The following CDA variants were observed in gnomAD, a reference collection of about 807,000 sequenced individuals.
CDA encodes cytidine aminohydrolase.
A neutral mutation model predicts 15.0 loss-of-function variants in CDA; 7 were observed. That is an observed-to-expected ratio of 0.47 (90% CI 0.26 to 0.87). CDA has a LOEUF of 0.87. Among genes scored for constraint, CDA ranks in the 40% least tolerant of loss-of-function variants. CDA has a pLI of 0.15. For missense variants in CDA, 159 were observed against 182.7 expected (o/e 0.87, Z 0.75); for synonymous variants, 58 against 73.0 (o/e 0.79, Z 1.05).
chr1:20,614,705 G>T (rs1416817098), intron 3 of CDA, among the ~76,000 whole-genome samples: 1 of 152,230 alleles, frequency 6.6e-6, no homozygotes, highest in African/African-American at 2.4e-5. Flanking sequence ...AATTTGAGAA[G>T]AGGCAAGAAG....
In CDA at chr1:20,589,194, C is replaced by T. The variant is rs1163775488; in HGVS notation, c.65C>T (p.Ser22Phe). The change falls in exon 1 of 4, where the codon TCC (serine) becomes TTC (phenylalanine). Residue 22 changes from serine (S) to phenylalanine (F), a missense_variant. Coordinates refer to ENST00000375071, the MANE Select transcript of CDA (RefSeq NM_001785.3). ...PECVQQLLVCSQEAKKSAYCP... is the reference protein window; with the variant it reads ...PECVQQLLVCFQEAKKSAYCP... ...TGTGTCCAGCAGCTGCTGGTTTGCTCCCAGGAGGCCAAGAAGTCAGCCTAC... is the reference window on the plus strand; with the variant it reads ...TGTGTCCAGCAGCTGCTGGTTTGCTTCCAGGAGGCCAAGAAGTCAGCCTAC... 2.5e-6 allele frequency: 4 copies of T among 1,613,742 alleles called. No individual in the cohort carries two copies. In the East Asian group the frequency reaches 6.7e-5, roughly 27 times the overall value.
chr1:20,593,220 G>T (rs939422593), intron 1 of CDA, among the ~76,000 whole-genome samples: 1 of 152,240 alleles, frequency 6.6e-6, no homozygotes, highest in South Asian at 2.1e-4. Flanking sequence ...GCTGGACTGT[G>T]TGCTGGGGAC....
At chr1:20,614,884 C>T (rs1314388192) in intron 3 of CDA, among the ~76,000 whole-genome samples, 1 of 151,096 alleles carries the variant, frequency 6.6e-6, no homozygotes, top group East Asian at 1.9e-4. Flanking sequence ...TTTTTTGAGA[C>T]GGAGTCTCAC....
At chr1:20,607,479 G>T (rs2154532536) in intron 2 of CDA, among the ~76,000 whole-genome samples, 1 of 152,216 alleles carries the variant, frequency 6.6e-6, no homozygotes, top group East Asian at 1.9e-4. Context: ...AAAGAGAAAA[G>T]GAGGGAAATA....
At chr1:20,598,783 G>A (rs188321816) in intron 1 of CDA, among the ~76,000 whole-genome samples, 73 of 152,286 alleles carry the variant, frequency 4.8e-4, no homozygotes, top group Non-Finnish European at 2.4e-4. Flanking sequence ...ATAGTATAGC[G>A]TTGAGGGTTA....
At chr1:20,604,789 T>C (rs1474557027) in intron 1 of CDA, 139 bp from the exon 2 acceptor site, 2 of 699,132 alleles carry the variant, frequency 2.9e-6, no homozygotes, top group African/African-American at 3.5e-5. Flanking sequence ...CGAATTGCCC[T>C]AATTGCCCTG....
chr1:20,618,496 G>A lies in CDA; in HGVS notation c.369G>A (p.Thr123=), dbSNP rs139735135. The A allele has an allele frequency of 1.2e-4, 198 of 1,613,622 alleles. No homozygotes were observed. The highest frequency in any genetic ancestry group is 5.0e-4 in the Middle Eastern group (3 of 6,060). The change falls in exon 4 of 4, where the codon ACG becomes ACA. Residue 123 remains threonine, a synonymous_variant. Transcript: ENST00000375071. ...TGTACATGACCAAGCCGGATGGTAC[G>A]TATATTGTCATGACGGTCCAGGAGC... ...WPVYMTKPDG[T]YIVMTVQELL...
Position 20,618,584 on chromosome 1 carries a change from C to T in CDA, c.*16C>T. The T allele has an allele frequency of 1.4e-6, 2 of 1,462,582 alleles. No individual in the cohort carries two copies. The highest frequency in any genetic ancestry group is 1.9e-6 in the Non-Finnish European group (2 of 1,041,606). The allele number at this position is 1,462,582 out of a possible 1,614,324, so 90.6% of individuals were successfully genotyped here. A position where few individuals can be genotyped will look rare whatever the true frequency, so the allele number is the denominator to read the frequency against. ...GACCCAGTGACAGCCAGAGAATGCC[C>T]ACTGCCTGTAACAGCCACCTGGAGA... On this transcript the variant is annotated 3_prime_UTR_variant, in exon 4 of 4. Coordinates refer to ENST00000375071, the MANE Select transcript of CDA (RefSeq NM_001785.3).
intron 3 of CDA, among the ~76,000 whole-genome samples, chr1:20,618,123 TA>T (rs2052834290): frequency 6.6e-6 from 1 of 151,608 alleles, no homozygotes; most frequent in Non-Finnish European, 1.5e-5. Context: ...GTAAAGGGGA[TA>T]CTGAAGGGAA....
At chr1:20,599,064 T>C (rs2052615836) in intron 1 of CDA, among the ~76,000 whole-genome samples, 1 of 152,126 alleles carries the variant, frequency 6.6e-6, no homozygotes, top group Non-Finnish European at 1.5e-5. Flanking sequence ...CCATTTTAGA[T>C]AGGTGATCGG....
chr1:20,599,179 G>C (rs1332032889), intron 1 of CDA, among the ~76,000 whole-genome samples: 2 of 152,174 alleles, frequency 1.3e-5, no homozygotes, highest in Non-Finnish European at 2.9e-5. Flanking sequence ...CTTGTGCAAA[G>C]GCCCTGTGGC....
intron 1 of CDA, among the ~76,000 whole-genome samples, chr1:20,601,728 A>C (rs111424365): frequency 4.7e-4 from 71 of 152,372 alleles, no homozygotes; most frequent in Admixed American, 2.2e-3. Flanking sequence ...AAGGGACCAG[A>C]AAATATGTGA....
At chr1:20,602,705 C>T (rs2052657082) in intron 1 of CDA, among the ~76,000 whole-genome samples, 1 of 152,222 alleles carries the variant, frequency 6.6e-6, no homozygotes, top group African/African-American at 2.4e-5. Context: ...TAGGCTTGAG[C>T]CACCATGCCC....
intron 1 of CDA, among the ~76,000 whole-genome samples, chr1:20,592,414 A>G (rs1443434030): frequency 6.6e-6 from 1 of 152,196 alleles, no homozygotes; most frequent in African/African-American, 2.4e-5. Flanking sequence ...TAATGCTATC[A>G]TTATTCTTAT....
intron 1 of CDA, among the ~76,000 whole-genome samples, chr1:20,593,750 AT>A (rs2052568495): frequency 6.6e-6 from 1 of 151,978 alleles, no homozygotes; most frequent in African/African-American, 2.4e-5. Flanking sequence ...AATCTTTTTT[AT>A]TTTTATAGCG....
rs544942119 is a variant in CDA, at chr1:20,594,076, C to A, written c.154+4793C>A. On this transcript the variant is annotated intron_variant, in intron 1 of 3. Transcript: ENST00000375071. The stretch of plus-strand genomic sequence containing the variant: ...GACACTGTGAGTTTACAGCTTATGG[C>A]AGAACAGGTCTGCCCAGGTCTGTGA... Among the ~76,000 whole-genome samples the A allele has an allele frequency of 3.3e-5, 5 of 152,306 alleles. No individual in the cohort carries two copies. The South Asian group carries it at 1.0e-3, about 32-fold the overall frequency.
chr1:20,612,760 T>G (rs557768512), intron 2 of CDA, among the ~76,000 whole-genome samples: 13 of 151,828 alleles, frequency 8.6e-5, no homozygotes, highest in South Asian at 8.4e-4. Context: ...CTGGCTAACA[T>G]AGTGAAACCC....
intron 3 of CDA, among the ~76,000 whole-genome samples, chr1:20,617,100 G>A (rs568766373): frequency 3.3e-5 from 5 of 152,230 alleles, no homozygotes; most frequent in East Asian, 1.9e-4. Context: ...TCATGACACC[G>A]CTGCTGATTA....
intron 2 of CDA, among the ~76,000 whole-genome samples, chr1:20,612,690 G>C (rs2052763432): frequency 6.6e-6 from 1 of 151,934 alleles, no homozygotes; most frequent in African/African-American, 2.4e-5. Flanking sequence ...GGCGGGGCGG[G>C]GTGGCTCATG....
Sources: gnomAD v4.1 joint callset for allele counts (sites outside exome capture counted in the v4.1 genomes callset) on GRCh38, gnomAD v4.1.1 for gene constraint, MANE v1.5 for transcripts, NCBI Gene and HGNC (gene_info 2026-07-23, HGNC 2026-07-21) for gene names.